The following NR3C2 variants were observed in gnomAD, a reference collection of about 807,000 sequenced individuals.
NR3C2 encodes nuclear receptor subfamily 3 group C member 2.
Under a neutral mutation model 86.4 loss-of-function variants are expected in NR3C2, and 15 were observed. The observed-to-expected ratio is 0.17, with a 90% CI of 0.12 to 0.27. NR3C2 has a LOEUF of 0.27. Ranked by LOEUF, NR3C2 falls within the 10% of genes least tolerant of loss-of-function variation. The pLI is 1.00. For missense variants in NR3C2, 960 were observed against 1,195.6 expected (o/e 0.80, Z 2.91); for synonymous variants, 458 against 450.5 (o/e 1.02, Z -0.21).
At chr4:148,263,311 G>A (rs1047826645) in intron 2 of NR3C2, among the ~76,000 whole-genome samples, 3 of 152,136 alleles carry the variant, frequency 2.0e-5, no homozygotes, top group African/African-American at 7.2e-5. Context: ...ACTGCCATCT[G>A]CTAGTTACCC....
Position 148,130,832 on chromosome 4 carries a change from T to G in NR3C2, c.2511-10544A>C, listed in dbSNP as rs1486986561. On this transcript the variant is annotated intron_variant, in intron 6 of 8. Transcript: ENST00000358102. ...TTGTTTTGTTTTGTTTTTTTTTTTT[T>G]TTTTTTTTTGAGACAGAGTCTCGCT... 5.9e-3 allele frequency among the ~76,000 whole-genome samples: 859 copies of G among 144,536 alleles called. 10 individuals carry two copies. The highest frequency in any genetic ancestry group is 0.02 in the African/African-American group (785 of 38,370). 94.8% of individuals were successfully genotyped at this position (144,536 alleles called of 152,430 possible).
chr4:148,151,119 G>A (rs1185499618), intron 6 of NR3C2, among the ~76,000 whole-genome samples: 1 of 152,050 alleles, frequency 6.6e-6, no homozygotes, highest in Non-Finnish European at 1.5e-5. Flanking sequence ...ATGCTACTGA[G>A]TTGTATGCTT....
intron 2 of NR3C2, among the ~76,000 whole-genome samples, chr4:148,325,304 T>C (rs929944866): frequency 1.3e-5 from 2 of 152,210 alleles, no homozygotes; most frequent in Non-Finnish European, 2.9e-5. Context: ...TGTCCTTACA[T>C]ACTACATATT....
intron 8 of NR3C2, among the ~76,000 whole-genome samples, chr4:148,109,726 C>T (rs963800967): frequency 3.3e-5 from 5 of 152,116 alleles, no homozygotes; most frequent in Non-Finnish European, 1.5e-5. Context: ...AGGTTGCTAT[C>T]TTATTTATTG....
chr4:148,202,315 G>C (rs1476969529), intron 3 of NR3C2, among the ~76,000 whole-genome samples: 1 of 152,164 alleles, frequency 6.6e-6, no homozygotes, highest in African/African-American at 2.4e-5. Context: ...CTACATCACA[G>C]GCCTCTCTCC....
intron 2 of NR3C2, among the ~76,000 whole-genome samples, chr4:148,274,431 A>C (rs1224265382): frequency 6.6e-6 from 1 of 152,100 alleles, no homozygotes; most frequent in Non-Finnish European, 1.5e-5. Context: ...TGAGGGTGGG[A>C]CCCGGTGGGA....
chr4:148,363,860 C>T (rs1745977564), intron 2 of NR3C2, among the ~76,000 whole-genome samples: 1 of 152,148 alleles, frequency 6.6e-6, no homozygotes, highest in Non-Finnish European at 1.5e-5. Flanking sequence ...GGTAAAAATA[C>T]TCTTCTGCTC....
intron 2 of NR3C2, among the ~76,000 whole-genome samples, chr4:148,275,869 G>T (rs781641826): frequency 2.0e-5 from 3 of 152,042 alleles, no homozygotes; most frequent in Non-Finnish European, 4.4e-5. Flanking sequence ...AAGAAATTTC[G>T]AATTCAATTC....
chr4:148,345,213 G>A (rs1744930056), intron 2 of NR3C2, among the ~76,000 whole-genome samples: 2 of 152,054 alleles, frequency 1.3e-5, no homozygotes, highest in African/African-American at 2.4e-5. Context: ...TGTAACAAAT[G>A]AGACCTAATG....
At chr4:148,182,964 C>T (rs1234595252) in intron 4 of NR3C2, among the ~76,000 whole-genome samples, 1 of 152,170 alleles carries the variant, frequency 6.6e-6, no homozygotes, top group Admixed American at 6.5e-5. Context: ...TGCTATACCT[C>T]CCCCTCTGCC....
intron 8 of NR3C2, among the ~76,000 whole-genome samples, chr4:148,105,176 ATG>A (rs1731738653): frequency 6.6e-6 from 1 of 152,176 alleles, no homozygotes; most frequent in South Asian, 2.1e-4. Flanking sequence ...TCTCAAAATA[ATG>A]TGTGAATAAA....
intron 2 of NR3C2, among the ~76,000 whole-genome samples, chr4:148,293,867 G>A (rs1056986457): frequency 6.6e-6 from 1 of 152,122 alleles, no homozygotes. Flanking sequence ...ACCCACCAGT[G>A]ACCTATGCAT....
chr4:148,426,153 G>A (rs1334040019), intron 2 of NR3C2, among the ~76,000 whole-genome samples: 1 of 152,142 alleles, frequency 6.6e-6, no homozygotes, highest in Non-Finnish European at 1.5e-5. Flanking sequence ...CACCAAAACA[G>A]ATGACAAAGC....
At chr4:148,404,652 G>A (rs1181620887) in intron 2 of NR3C2, among the ~76,000 whole-genome samples, 1 of 151,916 alleles carries the variant, frequency 6.6e-6, no homozygotes, top group Admixed American at 6.6e-5. Flanking sequence ...TAATAAACAT[G>A]GATCTTGATG....
At chr4:148,232,849 G>A (rs181314686) in intron 3 of NR3C2, among the ~76,000 whole-genome samples, 3 of 152,258 alleles carry the variant, frequency 2.0e-5, no homozygotes, top group Non-Finnish European at 4.4e-5. Flanking sequence ...GTGCTGCTTC[G>A]CCTTGCACTT....
At chr4:148,236,013 G>C (rs1212156249) in intron 3 of NR3C2, among the ~76,000 whole-genome samples, 1 of 152,226 alleles carries the variant, frequency 6.6e-6, no homozygotes, top group Non-Finnish European at 1.5e-5. Context: ...GCAGATGCAA[G>C]ATCTGAATTG....
chr4:148,212,176 A>G (rs554292279), intron 3 of NR3C2, among the ~76,000 whole-genome samples: 4 of 152,356 alleles, frequency 2.6e-5, no homozygotes, highest in African/African-American at 9.6e-5. Flanking sequence ...CTTTGCAAGA[A>G]CACCATCCGC....
At chr4:148,191,281 G>A (rs1736183358) in intron 4 of NR3C2, among the ~76,000 whole-genome samples, 1 of 152,154 alleles carries the variant, frequency 6.6e-6, no homozygotes, top group African/African-American at 2.4e-5. Flanking sequence ...GCTGATAACT[G>A]TTTTGTTTGA....
intron 2 of NR3C2, among the ~76,000 whole-genome samples, chr4:148,324,751 C>A (rs928543049): frequency 2.0e-5 from 3 of 152,138 alleles, no homozygotes; most frequent in African/African-American, 7.2e-5. Flanking sequence ...TTGTGGTACT[C>A]ATGTCATATC....
Sources: allele counts gnomAD v4.1 joint callset (sites outside exome capture counted in the v4.1 genomes callset), GRCh38; gene constraint gnomAD v4.1.1; transcripts MANE v1.5; gene names NCBI Gene and HGNC (gene_info 2026-07-23, HGNC 2026-07-21).